ADGRB1: variants seen among roughly 807,000 people sequenced by gnomAD.
ADGRB1 encodes the protein adhesion G protein-coupled receptor B1, also known as brain-specific angiogenesis inhibitor 1.
Under a neutral mutation model 175.7 loss-of-function variants are expected in ADGRB1, and 36 were observed. The ratio of observed to expected loss-of-function variants is 0.20; its 90% CI spans 0.16 to 0.27. The LOEUF is 0.27. Ranked by LOEUF, ADGRB1 falls within the 10% of genes least tolerant of loss-of-function variation. ADGRB1 has a pLI of 1.00. For synonymous variants in ADGRB1, 1,054 were observed against 979.4 expected, an observed-to-expected ratio of 1.08 and a Z score of -1.42; for missense variants, 1,731 against 2,255.3, an observed-to-expected ratio of 0.77 and a Z score of 4.71.
intron 9 of ADGRB1, 30 bp downstream of exon 9, chr8:142,479,824 G>T (rs755535531): frequency 1.3e-6 from 2 of 1,597,400 alleles, no homozygotes; most frequent in East Asian, 2.2e-5. Flanking sequence ...TGGTGTATGG[G>T]GGCTCCCGTC....
chr8:142,528,615 G>T (rs1844380420), intron 24 of ADGRB1, among the ~76,000 whole-genome samples: 1 of 151,158 alleles, frequency 6.6e-6, no homozygotes, highest in South Asian at 2.1e-4. Flanking sequence ...TGCCGCCGAT[G>T]CCACCTCCGA....
intron 2 of ADGRB1, among the ~76,000 whole-genome samples, chr8:142,465,559 C>G (rs1051305444): frequency 6.6e-6 from 1 of 151,968 alleles, no homozygotes; most frequent in Admixed American, 6.6e-5. Flanking sequence ...CTGCCACACG[C>G]TCTAGGTGCT....
In ADGRB1 at chr8:142,499,648, G is replaced by T. The variant is rs569362994; in HGVS notation, c.2675+8833G>T. ...GTGAGAGGTGGGGTTGGGAGCGGCT[G>T]GGGTGGGTGGGGCTGCTCAGGCCCT... is the stretch of plus-strand genomic sequence containing the variant. On this transcript the variant is annotated intron_variant, in intron 17 of 30. Coordinates refer to ENST00000517894, the MANE Select transcript of ADGRB1 (RefSeq NM_001702.3). 1.7e-4 allele frequency among the ~76,000 whole-genome samples: 26 copies of T among 152,332 alleles called. No homozygotes were observed. The East Asian group carries it at 4.6e-3, about 27-fold the overall frequency.
At chr8:142,483,014 A>ACACACTGAGCCCTGACCCTGGT (rs1423349287) in intron 11 of ADGRB1, among the ~76,000 whole-genome samples, 1 of 151,098 alleles carries the variant, frequency 6.6e-6, no homozygotes, top group Non-Finnish European at 1.5e-5. Context: ...GATTCTGGTC[A>ACACACTGAGCCCTGACCCTGGT]CACACTGAGC....
intron 13 of ADGRB1, among the ~76,000 whole-genome samples, chr8:142,487,384 C>G (rs910871255): frequency 6.6e-6 from 1 of 152,184 alleles, no homozygotes; most frequent in Non-Finnish European, 1.5e-5. Context: ...GATGGTCCCT[C>G]CTGCCCCTCC....
At chr8:142,491,751 C>T (rs536649000) in intron 17 of ADGRB1, among the ~76,000 whole-genome samples, 2 of 152,328 alleles carry the variant, frequency 1.3e-5, no homozygotes, top group South Asian at 2.1e-4. Flanking sequence ...GCACCCCTTT[C>T]CCGGGCCGAG....
chr8:142,534,732 G>A (rs190421070), intron 25 of ADGRB1, among the ~76,000 whole-genome samples: 1 of 152,304 alleles, frequency 6.6e-6, no homozygotes, highest in East Asian at 1.9e-4. Flanking sequence ...GGAAAACAGC[G>A]TGGGGACAGA....
In ADGRB1 at chr8:142,533,459, G is replaced by A. The variant is rs367714449; in HGVS notation, c.3563G>A (p.Arg1188His). Residue 1188 changes from arginine (R) to histidine (H), a missense_variant, in exon 25 of 31, where the codon CGT becomes CAT. Transcript: ENST00000517894. ...FVIVMVHCILRREVQDAVKCR... is the reference protein window; with the variant it reads ...FVIVMVHCILHREVQDAVKCR... ...ATCGTCATGGTGCACTGTATCCTCC[G>A]TAGAGAGGTGGGTGAGGCAGCCTCT... The A allele has an allele frequency of 3.8e-6, 6 of 1,598,044 alleles. No homozygotes were observed. Among genetic ancestry groups the A allele is most frequent in the African/African-American group, 2.7e-5 (2 of 74,766 alleles).
Position 142,541,899 on chromosome 8 carries a change from C to T in ADGRB1, c.3707-42C>T, listed in dbSNP as rs930440470. 4.7e-6 allele frequency: 7 copies of T among 1,504,634 alleles called. No individual in the cohort carries two copies. The Admixed American group carries it at 1.2e-4, about 26-fold the overall frequency. The allele number at this position is 1,504,634 out of a possible 1,614,324, so 93.2% of individuals were successfully genotyped here. On this transcript the variant is annotated intron_variant, in intron 27 of 30. Coordinates refer to ENST00000517894, the MANE Select transcript of ADGRB1 (RefSeq NM_001702.3). ...TGGGGACTGTCCTACGCCATCCTCA[C>T]CCCCACACCTGTCCCCGCTGTCTCC...
At position 142,476,565 on chromosome 8, in the gene ADGRB1, G is replaced by A; in HGVS notation, c.947-20G>A. The A allele has an allele frequency of 6.5e-7, 1 of 1,546,660 alleles. No individual in the cohort carries two copies. Among genetic ancestry groups the A allele is most frequent in the Non-Finnish European group, 8.7e-7 (1 of 1,145,004 alleles). On this transcript the variant is annotated intron_variant, in intron 3 of 30. Coordinates refer to ENST00000517894, the MANE Select transcript of ADGRB1 (RefSeq NM_001702.3). ...GGGGGCAAAGAACCGCTCCTGTGCT[G>A]ACCTAAGCCCGTCCTGCAGCCGCTG...
Position 142,477,515 on chromosome 8 carries a change from G to A in ADGRB1, c.1353G>A (p.Lys451=), listed in dbSNP as rs1344609069. The change falls in exon 6 of 31, where the codon AAG becomes AAA. Residue 451 remains lysine, a synonymous_variant. Transcript: ENST00000517894. ...GCAACCCCTGTGAGGGCCCTGAGAA[G>A]CAAACCAAGTTCTGCAACATTGCCC... ...FGGNPCEGPE[K]QTKFCNIALC... The A allele has an allele frequency of 5.0e-6, 8 of 1,613,120 alleles. No homozygotes were observed. The highest frequency in any genetic ancestry group is 6.8e-6 in the Non-Finnish European group (8 of 1,179,796).
intron 2 of ADGRB1, among the ~76,000 whole-genome samples, chr8:142,470,380 A>AGTGTGTGTGTCCTCGTGT (rs748127370): frequency 6.6e-6 from 1 of 152,016 alleles, no homozygotes; most frequent in Non-Finnish European, 1.5e-5. Flanking sequence ...CCTGGGAGCA[A>AGTGTGTGTGTCCTCGTGT]GTGTGTGTGT....
intron 1 of ADGRB1, among the ~76,000 whole-genome samples, chr8:142,460,065 C>G (rs1318595297): frequency 6.6e-6 from 1 of 152,194 alleles, no homozygotes; most frequent in Non-Finnish European, 1.5e-5. Context: ...GTGCCCGGCT[C>G]GGGCCTGGCG....
chr8:142,539,495 C>G, intron 27 of ADGRB1, 82 bp downstream of exon 27: 2 of 1,505,160 alleles, frequency 1.3e-6, no homozygotes, highest in Non-Finnish European at 1.8e-6. Flanking sequence ...GTGCCTCCCC[C>G]ACATCACCCA....
Position 142,492,356 on chromosome 8 carries a change from G to GA in ADGRB1, c.2675+1542dup, listed in dbSNP as rs1210019110. Among the ~76,000 whole-genome samples, 1 of 152,160 alleles carries GA rather than the reference G, an allele frequency of 6.6e-6. No individual in the cohort carries two copies. The highest frequency in any genetic ancestry group is 2.4e-5 in the African/African-American group (1 of 41,438). On this transcript the variant is annotated intron_variant, in intron 17 of 30. Coordinates refer to ENST00000517894, the MANE Select transcript of ADGRB1 (RefSeq NM_001702.3). The surrounding 1 kb of genome is among the most constrained non-coding windows in gnomAD (Gnocchi z 4.4). The stretch of plus-strand genomic sequence containing the variant: ...TAGCCTCCTCTCCCCAGTGAGGAGG[G>GA]ATGGGGAACAGGGACAGACGGAGCA...
chr8:142,516,811 G>T (rs758990143), intron 18 of ADGRB1, among the ~76,000 whole-genome samples: 1 of 152,134 alleles, frequency 6.6e-6, no homozygotes, highest in Non-Finnish European at 1.5e-5. Flanking sequence ...CAGGCATGGC[G>T]GTTCAGCCTG....
chr8:142,464,080 T>TCCCCCCCACCCA lies in ADGRB1; in HGVS notation c.-119_-118insCCCCCCCACCCA. On this transcript the variant is annotated 5_prime_UTR_variant, in exon 2 of 31. Transcript: ENST00000517894. ...GCGGGGCCCTCTCCCATCCCACCCT[T>TCCCCCCCACCCA]GCCCCGCCTCCCTGCCCCCACCGGG... 1.3e-5 allele frequency: 8 copies of TCCCCCCCACCCA among 617,022 alleles called. No individual in the cohort carries two copies. Among genetic ancestry groups the TCCCCCCCACCCA allele is most frequent in the Admixed American group, 5.2e-5 (1 of 19,380 alleles). 38.2% of individuals were successfully genotyped at this position (617,022 alleles called of 1,614,324 possible).
chr8:142,451,625 A>C (rs1000322580), intron 1 of ADGRB1, among the ~76,000 whole-genome samples: 3 of 152,086 alleles, frequency 2.0e-5, no homozygotes, highest in Non-Finnish European at 4.4e-5. Flanking sequence ...CTGGGAACCC[A>C]CGGAGACCCT....
chr8:142,460,813 C>T (rs977554767), intron 1 of ADGRB1, among the ~76,000 whole-genome samples: 1 of 152,196 alleles, frequency 6.6e-6, no homozygotes, highest in African/African-American at 2.4e-5. Flanking sequence ...CCTTCCACCT[C>T]CTGAGCACTC....
Sources: gnomAD v4.1 joint callset for allele counts (sites outside exome capture counted in the v4.1 genomes callset) on GRCh38, gnomAD v4.1.1 for gene constraint, Gnocchi (gnomAD v3.1) non-coding constraint, MANE v1.5 for transcripts, NCBI Gene and HGNC (gene_info 2026-07-23, HGNC 2026-07-21) for gene names.